Variants in CARS2 observed in about 807,000 individuals in gnomAD.
CARS2 encodes the protein cysteinyl-tRNA synthetase 2, mitochondrial.
Under a neutral mutation model 68.8 loss-of-function variants are expected in CARS2, and 52 were observed. The observed-to-expected ratio is 0.76, with a 90% confidence interval of 0.61 to 0.95. The LOEUF is 0.95. Among genes scored for constraint, CARS2 ranks in the 40% least tolerant of loss-of-function variants. CARS2 has a pLI of 0.00. For synonymous variants in CARS2, 314 were observed against 303.6 expected, an observed-to-expected ratio of 1.03 and a Z score of -0.36; for missense variants, 780 against 754.2, an observed-to-expected ratio of 1.03 and a Z score of -0.40.
chr13:110,667,289 C>T (rs1375376096), intron 8 of CARS2, 51 bp downstream of exon 8: 1 of 1,540,556 alleles, frequency 6.5e-7, no homozygotes, highest in Non-Finnish European at 8.9e-7. Flanking sequence ...CCGACAAAGA[C>T]AGAACTGCTA....
At chr13:110,700,071 G>A (rs1566352960) in intron 3 of CARS2, among the ~76,000 whole-genome samples, 2 of 152,150 alleles carry the variant, frequency 1.3e-5, no homozygotes, top group Admixed American at 1.3e-4. Context: ...TGTGGGAGTG[G>A]CCCTGCCCCT....
chr13:110,662,949 G>A, intron 9 of CARS2: 3 of 455,316 alleles, frequency 6.6e-6, no homozygotes, highest in Non-Finnish European at 1.3e-5. Flanking sequence ...CCCTCCGTGG[G>A]TGTGCCTGTT....
At chr13:110,706,656 T>A (rs1442269384), upstream of CARS2, among the ~76,000 whole-genome samples, 2 of 147,290 alleles carry the variant, frequency 1.4e-5, no homozygotes, top group African/African-American at 2.5e-5. Flanking sequence ...CAGTGTGCAC[T>A]GCAGCACACC....
At chr13:110,642,889 G>A (rs1887586280) in intron 13 of CARS2, 3 of 479,136 alleles carry the variant, frequency 6.3e-6, no homozygotes, top group Middle Eastern at 4.1e-4. Flanking sequence ...AGGCTGGGGG[G>A]CAGCGACTGA....
chr13:110,690,090 T>C (rs962729798), intron 3 of CARS2, among the ~76,000 whole-genome samples: 4 of 151,968 alleles, frequency 2.6e-5, no homozygotes, highest in Non-Finnish European at 5.9e-5. Flanking sequence ...CAGCTGAGCG[T>C]GGTGGCAGGC....
At chr13:110,701,737 G>A (rs1189436229) in intron 2 of CARS2, among the ~76,000 whole-genome samples, 182 bp from the exon 3 acceptor site, 1 of 152,214 alleles carries the variant, frequency 6.6e-6, no homozygotes, top group East Asian at 1.9e-4. Context: ...TGCGCCACAA[G>A]GGTTCTCAGG....
At chr13:110,706,560 G>A, upstream of CARS2, 1 of 152,982 alleles carries the variant, frequency 6.5e-6, no homozygotes, top group Non-Finnish European at 1.5e-5. Flanking sequence ...AATACACAGT[G>A]TCCACCCCAG....
In CARS2 at chr13:110,665,113, G is replaced by A; in HGVS notation, c.920-1595C>T. 1.0e-6 allele frequency: 1 copy of A among 985,324 alleles called. No individual in the cohort carries two copies. Among genetic ancestry groups the A allele is most frequent in the Non-Finnish European group, 1.2e-6 (1 of 829,900 alleles). 61.0% of individuals were successfully genotyped at this position (985,324 alleles called of 1,614,324 possible). ...CCAAACTAGTATGAAAAAGATCGCT[G>A]GTATCTTAACAGGTAGTAAAAAATC... On this transcript the variant is annotated intron_variant, in intron 8 of 14. Coordinates refer to ENST00000257347, the MANE Select transcript of CARS2 (RefSeq NM_024537.4). The surrounding 1 kb of genome is among the most constrained non-coding windows in gnomAD (Gnocchi z 4.3).
At chr13:110,694,781 G>A (rs1311991064) in intron 3 of CARS2, among the ~76,000 whole-genome samples, 1 of 152,176 alleles carries the variant, frequency 6.6e-6, no homozygotes, top group South Asian at 2.1e-4. Flanking sequence ...AGTGACTCAG[G>A]AAAGTGTATT....
In CARS2 at chr13:110,643,040, A is replaced by AT. The variant is rs1887615744; in HGVS notation, c.1417-520dup. On this transcript the variant is annotated intron_variant, in intron 13 of 14. Coordinates refer to ENST00000257347, the MANE Select transcript of CARS2 (RefSeq NM_024537.4). Reference sequence around the variant, plus strand: ...CGGTGTGGAAGGGGCAGCTGTACCTATTTGTTAAATCCATGTGTGTAAAAT... The same window carrying AT: ...CGGTGTGGAAGGGGCAGCTGTACCTATTTTGTTAAATCCATGTGTGTAAAAT... 2.0e-4 allele frequency: 66 copies of AT among 329,288 alleles called. 1 individual carries two copies. The highest frequency in any genetic ancestry group is 1.6e-3 in the South Asian group (65 of 41,756). The allele number at this position is 329,288 out of a possible 1,614,324, so 20.4% of individuals were successfully genotyped here. A position where few individuals can be genotyped will look rare whatever the true frequency, so the allele number is the denominator to read the frequency against.
upstream of CARS2, among the ~76,000 whole-genome samples, chr13:110,709,053 C>T (rs6492305): frequency 0.63 from 95,713 of 151,358 alleles, 32,012 homozygotes; most frequent in South Asian, 0.77. Context: ...TAAGCCACCA[C>T]ACCTGGCCAA....
chr13:110,666,081 A>G lies in CARS2; in HGVS notation c.919+1259T>C, dbSNP rs910006087. The G allele has an allele frequency of 1.4e-5, 14 of 985,150 alleles. No homozygotes were observed. The African/African-American group carries it at 2.4e-4, about 17-fold the overall frequency. The allele number at this position is 985,150 out of a possible 1,614,324, so 61.0% of individuals were successfully genotyped here. The stretch of plus-strand genomic sequence containing the variant: ...CTTCCTCTCCAAGAACACAATTCAG[A>G]AGTCCTTGGGCCACGGAAGAGAGAC... On this transcript the variant is annotated intron_variant, in intron 8 of 14. Transcript: ENST00000257347.
At chr13:110,679,938 C>T (rs986845002) in intron 6 of CARS2, among the ~76,000 whole-genome samples, 2 of 152,086 alleles carry the variant, frequency 1.3e-5, no homozygotes, top group African/African-American at 2.4e-5. Context: ...CTCTCAGCAA[C>T]GGAAGAACAT....
chr13:110,701,523 A>C lies in CARS2; in HGVS notation c.308T>G (p.Ile103Ser). 2 of 1,572,728 alleles carry C rather than the reference A, an allele frequency of 1.3e-6. No homozygotes were observed. The highest frequency in any genetic ancestry group is 1.3e-5 in the African/African-American group (1 of 74,258). The change falls in exon 3 of 15, where the codon ATC becomes AGC. Residue 103 changes from isoleucine (I) to serine (S), a missense_variant. Transcript: ENST00000257347. ...SYVRFDIIRR[I>S]LTKVFGCSIV... ...GCTGCATCCAAAAACCTTGGTTAGG[A>C]TCCTTCGAATGATATCAAATCTAAC... is the stretch of plus-strand genomic sequence containing the variant.
At chr13:110,649,943 T>TTTTTTTTTTTTTTC (rs1566651351) in intron 10 of CARS2, among the ~76,000 whole-genome samples, 9 of 146,714 alleles carry the variant, frequency 6.1e-5, no homozygotes, top group African/African-American at 2.0e-4. Flanking sequence ...TTTTTTTTTT[T>TTTTTTTTTTTTTTC]TTTTTTTTTT....
Position 110,646,180 on chromosome 13 carries a change from T to C in CARS2, c.1194-90A>G, listed in dbSNP as rs1394262351. The C allele has an allele frequency of 1.0e-5, 15 of 1,446,746 alleles. No homozygotes were observed. The East Asian group carries it at 1.9e-4, about 19-fold the overall frequency. 89.6% of individuals were successfully genotyped at this position (1,446,746 alleles called of 1,614,324 possible). ...CCAGTCCTTCCCCAGGGAGAGACGCTGGGGGCTCTAATCTGGGGACTTTCT... is the reference window on the plus strand; with the variant it reads ...CCAGTCCTTCCCCAGGGAGAGACGCCGGGGGCTCTAATCTGGGGACTTTCT... On this transcript the variant is annotated intron_variant, in intron 11 of 14. Coordinates refer to ENST00000257347, the MANE Select transcript of CARS2 (RefSeq NM_024537.4).
chr13:110,683,251 A>C (rs747458438), intron 5 of CARS2, 117 bp from the exon 6 acceptor site: 125 of 578,616 alleles, frequency 2.2e-4, no homozygotes, highest in Non-Finnish European at 3.3e-4. Context: ...ATTTGGCCCC[A>C]TATACATATA....
chr13:110,667,169 C>G (rs2062670978), intron 8 of CARS2, among the ~76,000 whole-genome samples, 171 bp downstream of exon 8: 1 of 152,196 alleles, frequency 6.6e-6, no homozygotes, highest in South Asian at 2.1e-4. Flanking sequence ...TTGCTGCAAT[C>G]CAAGGAAGCT....
intron 9 of CARS2, among the ~76,000 whole-genome samples, chr13:110,659,951 A>G (rs1043240165): frequency 6.6e-6 from 1 of 152,238 alleles, no homozygotes; most frequent in Non-Finnish European, 1.5e-5. Flanking sequence ...AATGTTTGAT[A>G]GCATTTTACC....
Sources: allele counts gnomAD v4.1 joint callset (sites outside exome capture counted in the v4.1 genomes callset), GRCh38; gene constraint gnomAD v4.1.1; non-coding constraint Gnocchi (gnomAD v3.1); transcripts MANE v1.5; gene names NCBI Gene and HGNC (gene_info 2026-07-23, HGNC 2026-07-21).